Variants in CTNND2 observed in about 807,000 individuals in gnomAD.
CTNND2 encodes the protein catenin delta 2.
In CTNND2, 22 loss-of-function variants were observed where a neutral mutation model predicts 144.4. The ratio of observed to expected loss-of-function variants is 0.15; its 90% CI spans 0.11 to 0.22. The LOEUF (loss-of-function observed/expected upper bound fraction) is 0.22. CTNND2 is among the 10% of genes least tolerant of loss of function. The pLI is 1.00. For missense variants in CTNND2, 1,353 were observed against 1,618.8 expected (o/e 0.84, Z 2.82); for synonymous variants, 751 against 695.6 (o/e 1.08, Z -1.25).
rs1412789146 is a variant in CTNND2 at position 11,771,369 on chromosome 5, G to C, written c.38-39097C>G. On this transcript the variant is annotated intron_variant, in intron 1 of 21. Coordinates refer to ENST00000304623, the MANE Select transcript of CTNND2 (RefSeq NM_001332.4). ...GAACTCCTGACCTTGTGATCTGCCT[G>C]CCTCTGTTAGCCTTTTAGAATTTGA... is the stretch of plus-strand genomic sequence containing the variant. Among the ~76,000 whole-genome samples the C allele has an allele frequency of 2.0e-5, 3 of 151,820 alleles. No individual in the cohort carries two copies. The East Asian group carries it at 5.8e-4, about 29-fold the overall frequency.
chr5:11,381,632 A>T (rs913650942), intron 7 of CTNND2, among the ~76,000 whole-genome samples: 11 of 152,240 alleles, frequency 7.2e-5, no homozygotes, highest in Non-Finnish European at 2.9e-5. Context: ...CTTCTGTATA[A>T]GTACTGTGTA....
At chr5:11,213,119 T>C (rs898017312) in intron 10 of CTNND2, among the ~76,000 whole-genome samples, 5 of 152,212 alleles carry the variant, frequency 3.3e-5, no homozygotes, top group African/African-American at 1.2e-4. Context: ...GGTTTCTACA[T>C]CTCTCAACCA....
chr5:11,294,862 C>T (rs1188280387), intron 9 of CTNND2, among the ~76,000 whole-genome samples: 3 of 152,116 alleles, frequency 2.0e-5, no homozygotes, highest in Admixed American at 6.5e-5. Flanking sequence ...ATGACAAACC[C>T]GCAGCCAATA....
At chr5:11,097,279 C>T (rs1440452967) in intron 15 of CTNND2, among the ~76,000 whole-genome samples, 2 of 152,192 alleles carry the variant, frequency 1.3e-5, no homozygotes, top group Non-Finnish European at 2.9e-5. Flanking sequence ...TATCTCTTTC[C>T]TGCTCCTGTA....
intron 15 of CTNND2, among the ~76,000 whole-genome samples, chr5:11,093,963 G>T (rs1167441609): frequency 6.6e-6 from 1 of 152,098 alleles, no homozygotes; most frequent in Non-Finnish European, 1.5e-5. Context: ...CCTAAGAATT[G>T]TCCACTTGCT....
intron 1 of CTNND2, among the ~76,000 whole-genome samples, chr5:11,877,416 AATTC>A (rs1011182229): frequency 6.6e-6 from 1 of 152,100 alleles, no homozygotes; most frequent in Non-Finnish European, 1.5e-5. Context: ...CAGTTTCTGA[AATTC>A]ATTATGATGT....
intron 9 of CTNND2, among the ~76,000 whole-genome samples, chr5:11,300,742 T>C (rs6869903): frequency 0.3 from 46,334 of 151,962 alleles, 7,423 homozygotes; most frequent in African/African-American, 0.37. Flanking sequence ...TCTTGTATTT[T>C]ATCTGGCTAC....
intron 9 of CTNND2, among the ~76,000 whole-genome samples, chr5:11,344,236 C>CA (rs1258522842): frequency 4.0e-5 from 6 of 151,642 alleles, no homozygotes; most frequent in Admixed American, 2.6e-4. Context: ...ACTAAAAATA[C>CA]AAAAAATTAG....
At chr5:11,142,608 CTTT>C (rs955587756) in intron 12 of CTNND2, among the ~76,000 whole-genome samples, 14 of 133,252 alleles carry the variant, frequency 1.1e-4, no homozygotes, top group Non-Finnish European at 8.1e-5. Context: ...AATTTAAACT[CTTT>C]TTTTTTTTTT....
intron 16 of CTNND2, among the ~76,000 whole-genome samples, chr5:11,080,049 G>A (rs1749387466): frequency 6.6e-6 from 1 of 152,026 alleles, no homozygotes; most frequent in African/African-American, 2.4e-5. Context: ...CAGATTGGGA[G>A]AAAATATTAT....
At chr5:11,608,210 T>C (rs987878186) in intron 2 of CTNND2, among the ~76,000 whole-genome samples, 1 of 152,126 alleles carries the variant, frequency 6.6e-6, no homozygotes, top group Non-Finnish European at 1.5e-5. Flanking sequence ...TAGTTGAAAG[T>C]AGAAAATTAA....
chr5:11,272,194 G>C (rs923409542), intron 9 of CTNND2, among the ~76,000 whole-genome samples: 2 of 152,056 alleles, frequency 1.3e-5, no homozygotes, highest in African/African-American at 4.8e-5. Context: ...ATAGCAACGT[G>C]AGATTATTTT....
chr5:11,757,595 T>G (rs1789023123), intron 1 of CTNND2, among the ~76,000 whole-genome samples: 1 of 151,972 alleles, frequency 6.6e-6, no homozygotes, highest in South Asian at 2.1e-4. Context: ...GAATGCCAAA[T>G]TACATGCCCT....
chr5:11,072,521 T>A (rs1025210695), intron 16 of CTNND2, among the ~76,000 whole-genome samples: 1 of 152,376 alleles, frequency 6.6e-6, no homozygotes, highest in Non-Finnish European at 1.5e-5. Context: ...GGACAGTATA[T>A]TGTTACGAAC....
intron 3 of CTNND2, among the ~76,000 whole-genome samples, chr5:11,443,774 T>A (rs1764554200): frequency 6.6e-6 from 1 of 152,166 alleles, no homozygotes; most frequent in South Asian, 2.1e-4. Flanking sequence ...CTCTGCTATC[T>A]CTCAAAAGTG....
At chr5:11,303,428 C>T (rs1438989644) in intron 9 of CTNND2, among the ~76,000 whole-genome samples, 2 of 152,182 alleles carry the variant, frequency 1.3e-5, no homozygotes, top group African/African-American at 2.4e-5. Context: ...GGTAAGTCAC[C>T]CATTGGCTTT....
At chr5:11,530,986 A>T (rs1773700632) in intron 3 of CTNND2, among the ~76,000 whole-genome samples, 1 of 152,226 alleles carries the variant, frequency 6.6e-6, no homozygotes, top group Non-Finnish European at 1.5e-5. Flanking sequence ...CAGACAATAC[A>T]ACACACGGCT....
chr5:11,809,391 G>A (rs1229144357), intron 1 of CTNND2, among the ~76,000 whole-genome samples: 1 of 152,096 alleles, frequency 6.6e-6, no homozygotes, highest in Non-Finnish European at 1.5e-5. Flanking sequence ...TTCTAACTTA[G>A]TCATCTTTAC....
chr5:11,504,633 G>C (rs1308525495), intron 3 of CTNND2, among the ~76,000 whole-genome samples: 1 of 152,172 alleles, frequency 6.6e-6, no homozygotes, highest in Non-Finnish European at 1.5e-5. Context: ...AGTCTTCCTG[G>C]AGGAACGGTG....
Sources: gnomAD v4.1 joint callset for allele counts (sites outside exome capture counted in the v4.1 genomes callset) on GRCh38, gnomAD v4.1.1 for gene constraint, MANE v1.5 for transcripts, NCBI Gene and HGNC (gene_info 2026-07-23, HGNC 2026-07-21) for gene names.